The following SDSL variants were observed in gnomAD, a reference collection of about 807,000 sequenced individuals.
SDSL encodes serine dehydratase like, also known as serine dehydratase-like.
SDSL carries 26 observed loss-of-function variants against 27.6 expected under a neutral mutation model. That is an observed-to-expected ratio of 0.94 (90% CI 0.69 to 1.31). The LOEUF (loss-of-function observed/expected upper bound fraction) is 1.31. SDSL is among the 50% of genes most tolerant of loss of function. The pLI is 0.00. For missense variants in SDSL, 431 were observed against 423.5 expected (o/e 1.02, Z -0.16); for synonymous variants, 196 against 180.6 (o/e 1.09, Z -0.69).
rs141977586 is a variant in SDSL at position 113,425,816 on chromosome 12, C to T, written c.-21-2146C>T. 1.8e-4 allele frequency: 77 copies of T among 428,096 alleles called. 1 individual carries two copies. Among genetic ancestry groups the T allele is most frequent in the South Asian group, 8.3e-4 (50 of 60,050 alleles). The allele number at this position is 428,096 out of a possible 1,614,324, so 26.5% of individuals were successfully genotyped here. A position where few individuals can be genotyped will look rare whatever the true frequency, so the allele number is the denominator to read the frequency against. On this transcript the variant is annotated intron_variant, in intron 1 of 7. Coordinates refer to ENST00000403593, the MANE Select transcript of SDSL (RefSeq NM_001304993.2). ...GAGACCAGCCAACATGGTGAAACCC[C>T]GTCTCTACAAAAAATACAAAAAATT... is the stretch of plus-strand genomic sequence containing the variant.
chr12:113,434,202 G>A lies in SDSL; in HGVS notation c.423G>A (p.Pro141=), dbSNP rs145622738. ...GGGACGGCTGGGAGAATGTCCCCCC[G>A]TTTGACCACCCCCTAATATGGTAAG... The part of the protein sequence containing the change: ...AKRDGWENVP[P]FDHPLIWKGH... Residue 141 remains proline (P), a synonymous_variant, in exon 5 of 8, where the codon CCG becomes CCA. Transcript: ENST00000403593. The A allele has an allele frequency of 1.5e-3, 2,399 of 1,613,220 alleles. 4 individuals are homozygous for A. Among genetic ancestry groups the A allele is most frequent in the Middle Eastern group, 2.0e-3 (12 of 6,056 alleles).
intron 6 of SDSL, among the ~76,000 whole-genome samples, 178 bp from the exon 7 acceptor site, chr12:113,436,573 G>A (rs542875943): frequency 6.6e-6 from 1 of 152,312 alleles, no homozygotes; most frequent in African/African-American, 2.4e-5. Context: ...ACAGGCGTGA[G>A]CCACTGCGCC....
intron 6 of SDSL, among the ~76,000 whole-genome samples, chr12:113,435,934 TA>T (rs1366257926): frequency 6.6e-6 from 1 of 152,092 alleles, no homozygotes; most frequent in Non-Finnish European, 1.5e-5. Flanking sequence ...CTGGCCAACA[TA>T]TAGTGAAACC....
chr12:113,426,248 T>C, intron 1 of SDSL: 1 of 455,928 alleles, frequency 2.2e-6, no homozygotes, highest in South Asian at 1.5e-5. Flanking sequence ...GAACTTTTCC[T>C]CTTGGCTCTC....
intron 4 of SDSL, among the ~76,000 whole-genome samples, chr12:113,430,373 T>C (rs1180640874): frequency 6.6e-6 from 1 of 152,188 alleles, no homozygotes; most frequent in Non-Finnish European, 1.5e-5. Context: ...TTTAATCAGC[T>C]ATTGTTGCTT....
At chr12:113,424,699 A>G (rs1218344777) in intron 1 of SDSL, among the ~76,000 whole-genome samples, 1 of 152,020 alleles carries the variant, frequency 6.6e-6, no homozygotes, top group Non-Finnish European at 1.5e-5. Context: ...CTGGCACATA[A>G]TAGGGACTCA....
At position 113,434,224 on chromosome 12, in the gene SDSL, T is replaced by C. The variant is rs1593314980; in HGVS notation, c.443+2T>C. The C allele has an allele frequency of 1.9e-6, 3 of 1,606,946 alleles. No homozygotes were observed. In the East Asian group the frequency reaches 6.7e-5, roughly 36 times the overall value. On this transcript the variant is annotated splice_donor_variant, in intron 5 of 7. Transcript: ENST00000403593. LOFTEE classifies it high-confidence loss of function. ...CCCGTTTGACCACCCCCTAATATGG[T>C]AAGGCTGACGCCCCTCTCCCCAGGA...
intron 1 of SDSL, among the ~76,000 whole-genome samples, chr12:113,424,671 A>T (rs1957827608): frequency 6.6e-6 from 1 of 152,168 alleles, no homozygotes; most frequent in Admixed American, 6.5e-5. Flanking sequence ...TAACGTCTCC[A>T]GAGGACTCAG....
intron 1 of SDSL, chr12:113,425,544 TG>T: frequency 2.5e-6 from 1 of 403,442 alleles, no homozygotes; most frequent in Middle Eastern, 3.7e-4. Context: ...AATGGAATGG[TG>T]GGGACCGGCC....
chr12:113,432,270 T>C lies in SDSL; in HGVS notation c.355-1864T>C, dbSNP rs367816932. ...TTTCTTTCTTTCTTTCTTTCTTTCT[T>C]TCTTTCTTTCTTTCTTTCTTTCTCT... On this transcript the variant is annotated intron_variant, in intron 4 of 7. Coordinates refer to ENST00000403593, the MANE Select transcript of SDSL (RefSeq NM_001304993.2). Among the ~76,000 whole-genome samples the C allele has an allele frequency of 1.4e-3, 166 of 116,262 alleles. 1 individual carries two copies. The highest frequency in any genetic ancestry group is 4.6e-3 in the African/African-American group (143 of 31,276). 76.3% of individuals were successfully genotyped at this position (116,262 alleles called of 152,430 possible).
Position 113,436,785 on chromosome 12 carries a change from G to C in SDSL, c.706G>C (p.Ala236Pro). 6.2e-7 allele frequency: 1 copy of C among 1,610,254 alleles called. No individual in the cohort carries two copies. Among genetic ancestry groups the C allele is most frequent in the Non-Finnish European group, 8.5e-7 (1 of 1,179,132 alleles). Residue 236 changes from alanine (A) to proline (P), a missense_variant, in exon 7 of 8, where the codon GCT becomes CCT. Ala to Pro is a conservative substitution (Grantham distance 27, BLOSUM62 -1). Transcript: ENST00000403593. Reference protein sequence around the residue: ...AKSLGAKTVAARALECMQVCK... With the variant: ...AKSLGAKTVAPRALECMQVCK... ...GAGCCTGGGTGCCAAGACGGTGGCCGCTCGGGCCCTGGAGTGCATGCAGGT... is the reference window on the plus strand; with the variant it reads ...GAGCCTGGGTGCCAAGACGGTGGCCCCTCGGGCCCTGGAGTGCATGCAGGT...
rs181578425 is a variant in SDSL at position 113,437,798 on chromosome 12, T to G, written c.797-88T>G. On this transcript the variant is annotated intron_variant, in intron 7 of 7. Transcript: ENST00000403593. ...ATGGCTGACTGGCTGGAGAGATGGC[T>G]GCAAGGATCTGCCGTGCCCAGGGCC... 6.5e-3 allele frequency: 7,803 copies of G among 1,191,754 alleles called. 46 individuals carry two copies. Among genetic ancestry groups the G allele is most frequent in the Non-Finnish European group, 8.2e-3 (6,966 of 850,962 alleles). The allele number at this position is 1,191,754 out of a possible 1,614,324, so 73.8% of individuals were successfully genotyped here. A position where few individuals can be genotyped will look rare whatever the true frequency, so the allele number is the denominator to read the frequency against.
At chr12:113,425,612 TCTA>T in intron 1 of SDSL, 1 of 452,602 alleles carries the variant, frequency 2.2e-6, no homozygotes, top group Non-Finnish European at 4.4e-6. Context: ...TTTTTTTTTC[TCTA>T]CTATTTTTCC....
chr12:113,422,465 G>A lies in SDSL; in HGVS notation c.-34G>A, dbSNP rs977025329. 2.0e-5 allele frequency: 3 copies of A among 153,734 alleles called. No homozygotes were observed. The highest frequency in any genetic ancestry group is 7.2e-5 in the African/African-American group (3 of 41,482). 9.5% of individuals were successfully genotyped at this position (153,734 alleles called of 1,614,324 possible). On this transcript the variant is annotated 5_prime_UTR_variant, in exon 1 of 8. Coordinates refer to ENST00000403593, the MANE Select transcript of SDSL (RefSeq NM_001304993.2). ...GCTGGGGCCACGCTGGTCTGGGATAGTTGGGCAGGGAGGTAAGGGGTCTGG... is the reference window on the plus strand; with the variant it reads ...GCTGGGGCCACGCTGGTCTGGGATAATTGGGCAGGGAGGTAAGGGGTCTGG...
intron 3 of SDSL, 84 bp downstream of exon 3, chr12:113,428,543 C>A: frequency 2.3e-6 from 3 of 1,283,056 alleles, no homozygotes; most frequent in South Asian, 2.8e-5. Context: ...CAGGGTTGGT[C>A]TCCTCTTAAA....
At chr12:113,425,357 C>T (rs376209244) in intron 1 of SDSL, among the ~76,000 whole-genome samples, 5 of 152,114 alleles carry the variant, frequency 3.3e-5, no homozygotes, top group Admixed American at 2.0e-4. Context: ...CTGTGCCCTG[C>T]CCGAGGGGGC....
Position 113,438,075 on chromosome 12 carries a change from T to C in SDSL, c.986T>C (p.Val329Ala). ...GCTTTGAAAACCCACCTGGGCCAGGTCTGAGGGGTCCCATCCTGGCCCCAA... is the reference window on the plus strand; with the variant it reads ...GCTTTGAAAACCCACCTGGGCCAGGCCTGAGGGGTCCCATCCTGGCCCCAA... ...LQALKTHLGQ[V>A] is the part of the protein sequence containing the mutation. The change falls in exon 8 of 8, where the codon GTC (valine) becomes GCC (alanine). Residue 329 changes from valine to alanine, a missense_variant. Transcript: ENST00000403593. The C allele has an allele frequency of 4.3e-6, 7 of 1,612,926 alleles. No homozygotes were observed. Among genetic ancestry groups the C allele is most frequent in the Middle Eastern group, 3.3e-4 (2 of 6,056 alleles).
chr12:113,438,168 G>A lies in SDSL; in HGVS notation c.*89G>A. The A allele has an allele frequency of 1.7e-6, 2 of 1,187,428 alleles. No homozygotes were observed. Among genetic ancestry groups the A allele is most frequent in the South Asian group, 2.9e-5 (2 of 67,920 alleles). The allele number at this position is 1,187,428 out of a possible 1,614,324, so 73.6% of individuals were successfully genotyped here. A position where few individuals can be genotyped will look rare whatever the true frequency, so the allele number is the denominator to read the frequency against. On this transcript the variant is annotated 3_prime_UTR_variant, in exon 8 of 8. Coordinates refer to ENST00000403593, the MANE Select transcript of SDSL (RefSeq NM_001304993.2). ...GAGGACTCAGTGCTGGCAGATGGCA[G>A]TGGAAGCTGCCCTGTGCAACTGTGC...
chr12:113,436,832 G>A lies in SDSL; in HGVS notation c.753G>A (p.Val251=), dbSNP rs751536131. Residue 251 remains valine, a synonymous_variant, in exon 7 of 8, where the codon GTG becomes GTA. Transcript: ENST00000403593. ...CMQVCKIHSE[V]VEDTEAVSAV... Reference sequence around the variant, plus strand: ...AGGTGTGCAAGATTCACTCTGAAGTGGTGGAGGACACCGAGGCTGTGAGCG... The same window carrying A: ...AGGTGTGCAAGATTCACTCTGAAGTAGTGGAGGACACCGAGGCTGTGAGCG... 1.2e-6 allele frequency: 2 copies of A among 1,611,904 alleles called. No homozygotes were observed. Among genetic ancestry groups the A allele is most frequent in the Non-Finnish European group, 8.5e-7 (1 of 1,179,592 alleles).
Sources: gnomAD v4.1 joint callset for allele counts (sites outside exome capture counted in the v4.1 genomes callset) on GRCh38, gnomAD v4.1.1 for gene constraint, MANE v1.5 for transcripts, NCBI Gene and HGNC (gene_info 2026-07-23, HGNC 2026-07-21) for gene names.